Variants in MYBPC1 observed in about 807,000 individuals in gnomAD.
MYBPC1 encodes myosin-binding protein C, slow-type.
A neutral mutation model predicts 147.1 loss-of-function variants in MYBPC1; 52 were observed. That is an observed-to-expected ratio of 0.35 (90% CI 0.28 to 0.45). The LOEUF (loss-of-function observed/expected upper bound fraction) is 0.45, where lower values mean the gene tolerates loss of function less well. MYBPC1 is among the 20% of genes least tolerant of loss of function. The pLI is 1.00. For missense variants in MYBPC1, 1,228 were observed against 1,440.3 expected (o/e 0.85, Z 2.39); for synonymous variants, 477 against 475.9 (o/e 1.00, Z -0.03).
At chr12:101,650,331 G>A (rs1470330088) in intron 15 of MYBPC1, among the ~76,000 whole-genome samples, 1 of 152,192 alleles carries the variant, frequency 6.6e-6, no homozygotes, top group Admixed American at 6.5e-5. Context: ...TTCTCATGCT[G>A]CTAATAAAGA....
chr12:101,677,359 C>T lies in MYBPC1; in HGVS notation c.3074C>T (p.Thr1025Ile). The T allele has an allele frequency of 6.2e-7, 1 of 1,613,894 alleles. No homozygotes were observed. The change falls in exon 27 of 32, where the codon ACC becomes ATC. Residue 1025 changes from threonine (T) to isoleucine (I), a missense_variant. Thr to Ile is a moderately conservative substitution (Grantham distance 89). This residue lies in a region of MYBPC1 where 1,077 missense variants were observed against 1,314.2 expected (regional missense o/e 0.82). Coordinates refer to ENST00000361466, the MANE Select transcript of MYBPC1 (RefSeq NM_002465.4). Reference protein sequence around the residue: ...ENMCGLSEDATMTKESAVIAR... With the variant: ...ENMCGLSEDAIMTKESAVIAR... ...ATGTGTGGCCTCAGTGAGGATGCCA[C>T]CATGACTAAAGAGAGTGCAGTGATC... is the stretch of plus-strand genomic sequence containing the variant.
rs1886316003 is a variant in MYBPC1, at chr12:101,617,213, G to C, written c.73G>C (p.Glu25Gln). The change falls in exon 3 of 32, where the codon GAG (glutamate) becomes CAG (glutamine). Residue 25 changes from glutamate to glutamine, a missense_variant. Coordinates refer to ENST00000361466, the MANE Select transcript of MYBPC1 (RefSeq NM_002465.4). ...PAPPPEEPSK[E>Q]KEAGTTPAKD... The stretch of plus-strand genomic sequence containing the variant: ...TACTTTCTACACAGAACCAAGTAAA[G>C]AGAAGGAGGCCGGAACTACACCAGC... 1 of 1,613,672 alleles carries C rather than the reference G, an allele frequency of 6.2e-7. No homozygotes were observed. Among genetic ancestry groups the C allele is most frequent in the South Asian group, 1.1e-5 (1 of 91,062 alleles).
chr12:101,670,187 G>A, intron 23 of MYBPC1, 134 bp from the exon 24 acceptor site: 2 of 777,470 alleles, frequency 2.6e-6, no homozygotes, highest in East Asian at 4.9e-5. Context: ...TCGTCTGTTA[G>A]TGGCACATCT....
chr12:101,681,713 A>G (rs1180424773), intron 29 of MYBPC1, among the ~76,000 whole-genome samples: 1 of 144,508 alleles, frequency 6.9e-6, no homozygotes, highest in Non-Finnish European at 1.5e-5. Flanking sequence ...GGTTCAAGCA[A>G]TTCTCGTGCC....
intron 1 of MYBPC1, among the ~76,000 whole-genome samples, chr12:101,606,005 A>G (rs989298600): frequency 6.6e-6 from 1 of 152,018 alleles, no homozygotes; most frequent in African/African-American, 2.4e-5. Flanking sequence ...GACCAGCCTG[A>G]GAAACATGGC....
At chr12:101,685,467 A>G in intron 31 of MYBPC1, 115 bp from the exon 32 acceptor site, 1 of 721,960 alleles carries the variant, frequency 1.4e-6, no homozygotes, top group Non-Finnish European at 2.4e-6. Context: ...GAATCTTTGT[A>G]ACTAATGGGA....
chr12:101,656,626 G>A (rs1895589719), intron 18 of MYBPC1, among the ~76,000 whole-genome samples: 1 of 152,010 alleles, frequency 6.6e-6, no homozygotes, highest in African/African-American at 2.4e-5. Flanking sequence ...AATGATGAAT[G>A]GGTCAATACT....
chr12:101,693,932 C>T, the MYBPC1 span, among the ~76,000 whole-genome samples: 1 of 152,156 alleles, frequency 6.6e-6, no homozygotes, highest in East Asian at 1.9e-4. Flanking sequence ...AGGAGCATAG[C>T]AGCCCCTTCT....
At chr12:101,685,518 T>A in intron 31 of MYBPC1, 64 bp from the exon 32 acceptor site, 1 of 1,122,262 alleles carries the variant, frequency 8.9e-7, no homozygotes, top group Non-Finnish European at 1.3e-6. Flanking sequence ...TCAAGAAGTA[T>A]TGTTTCAGCG....
At chr12:101,669,180 A>G (rs1898057556) in intron 23 of MYBPC1, among the ~76,000 whole-genome samples, 1 of 152,182 alleles carries the variant, frequency 6.6e-6, no homozygotes, top group African/African-American at 2.4e-5. Flanking sequence ...AATGAAATGC[A>G]AAGTATGTCT....
At chr12:101,627,008 C>A in intron 4 of MYBPC1, 98 bp downstream of exon 4, 1 of 1,155,452 alleles carries the variant, frequency 8.7e-7, no homozygotes, top group Non-Finnish European at 1.3e-6. Flanking sequence ...TGAGTCAGTG[C>A]ACAGAGCAGG....
chr12:101,660,549 G>A (rs1008638158), intron 19 of MYBPC1: 1 of 160,878 alleles, frequency 6.2e-6, no homozygotes, highest in Non-Finnish European at 1.4e-5. Flanking sequence ...ACGGGTTTAA[G>A]GGATTTGGAG....
At position 101,605,259 on chromosome 12, in the gene MYBPC1, T is replaced by C. The variant is rs564754340; in HGVS notation, c.26-9237T>C. ...GCACTTAGGAAAATGAGTTATTGCTTCAAAATCAATGTAAGGTTTTTATTT... is the reference window on the plus strand; with the variant it reads ...GCACTTAGGAAAATGAGTTATTGCTCCAAAATCAATGTAAGGTTTTTATTT... On this transcript the variant is annotated intron_variant, in intron 1 of 31. Coordinates refer to ENST00000361466, the MANE Select transcript of MYBPC1 (RefSeq NM_002465.4). Among the ~76,000 whole-genome samples the C allele has an allele frequency of 4.3e-3, 659 of 152,350 alleles. 6 individuals are homozygous for C. The highest frequency in any genetic ancestry group is 0.015 in the African/African-American group (608 of 41,590).
intron 3 of MYBPC1, among the ~76,000 whole-genome samples, chr12:101,618,925 T>C (rs1315419391): frequency 6.8e-6 from 1 of 147,808 alleles, no homozygotes; most frequent in Non-Finnish European, 1.5e-5. Context: ...GGCAAATACA[T>C]GTATATATAT....
At chr12:101,695,138 C>T in the MYBPC1 span, among the ~76,000 whole-genome samples, 13 of 152,180 alleles carry the variant, frequency 8.5e-5, no homozygotes, top group Non-Finnish European at 1.6e-4. Context: ...CACTTGGGTA[C>T]GCCACATAAT....
chr12:101,672,886 T>C (rs927655278), intron 24 of MYBPC1, among the ~76,000 whole-genome samples: 1 of 152,126 alleles, frequency 6.6e-6, no homozygotes, highest in Admixed American at 6.6e-5. Flanking sequence ...CAAAAACTTA[T>C]GTATTGGGCA....
At chr12:101,621,784 A>C (rs943648737) in intron 3 of MYBPC1, among the ~76,000 whole-genome samples, 1 of 150,724 alleles carries the variant, frequency 6.6e-6, no homozygotes, top group African/African-American at 2.4e-5. Flanking sequence ...AAGAATGTAC[A>C]CATTCTACTA....
intron 3 of MYBPC1, among the ~76,000 whole-genome samples, chr12:101,624,236 T>C (rs955219902): frequency 6.6e-6 from 1 of 152,112 alleles, no homozygotes; most frequent in African/African-American, 2.4e-5. Context: ...ATTAATATAT[T>C]ATATTAGTAA....
At chr12:101,681,602 T>A (rs1455288143) in intron 29 of MYBPC1, among the ~76,000 whole-genome samples, 27 of 75,136 alleles carry the variant, frequency 3.6e-4, no homozygotes, top group South Asian at 1.0e-3. Context: ...ATTTTTTTTT[T>A]TTTTTTTTTT....
Sources: allele counts gnomAD v4.1 joint callset (sites outside exome capture counted in the v4.1 genomes callset), GRCh38; gene constraint gnomAD v4.1.1; regional missense constraint gnomAD v4.1.1; transcripts MANE v1.5; gene names NCBI Gene and HGNC (gene_info 2026-07-23, HGNC 2026-07-21).